The following CCDC171 variants were observed in gnomAD, a reference collection of about 807,000 sequenced individuals.
The protein encoded by CCDC171 is coiled-coil domain-containing protein 171.
A neutral mutation model predicts 168.2 loss-of-function variants in CCDC171; 177 were observed. The observed-to-expected ratio is 1.05, with a 90% confidence interval of 0.93 to 1.19. The LOEUF (loss-of-function observed/expected upper bound fraction) is 1.19. CCDC171 is among the 50% of genes most tolerant of loss of function. The pLI, the probability that CCDC171 is intolerant of heterozygous loss-of-function variation, is 0.00. For synonymous variants in CCDC171, 687 were observed against 540.8 expected, an observed-to-expected ratio of 1.27 and a Z score of -3.75; for missense variants, 1,991 against 1,539.0, an observed-to-expected ratio of 1.29 and a Z score of -4.91.
At chr9:16,022,537 A>G (rs1442076489) in exon 5 of CCDC171, 1 of 152,376 alleles carries the variant, frequency 6.6e-6, no homozygotes, top group African/African-American at 2.4e-5. Context: ...TCGCCCAGAG[A>G]GGGACTGCTG....
chr9:15,744,246 A>T (rs1460813975), intron 16 of CCDC171, 27 bp from the exon 17 acceptor site: 1 of 1,529,772 alleles, frequency 6.5e-7, no homozygotes, highest in Non-Finnish European at 8.8e-7. Flanking sequence ...TTTCATGATC[A>T]AATATATTTT....
intron 11 of CCDC171, among the ~76,000 whole-genome samples, chr9:15,710,618 G>C (rs2052592440): frequency 6.7e-6 from 1 of 148,558 alleles, no homozygotes; most frequent in African/African-American, 2.5e-5. Context: ...ATTTTTTTGA[G>C]ATGGAGTCTC....
At chr9:15,901,102 G>T (rs76554806) in intron 24 of CCDC171, among the ~76,000 whole-genome samples, 1,631 of 152,202 alleles carry the variant, frequency 0.011, 32 homozygotes, top group African/African-American at 0.037. Context: ...TTAAAGGTAT[G>T]ATTTTTAAAG....
intron 25 of CCDC171, among the ~76,000 whole-genome samples, chr9:15,923,004 G>A (rs1359934855): frequency 1.3e-5 from 2 of 151,592 alleles, no homozygotes; most frequent in Non-Finnish European, 3.0e-5. Context: ...CTCCCATCCT[G>A]TAGGTTGTCT....
intron 23 of CCDC171, among the ~76,000 whole-genome samples, chr9:15,862,651 A>C (rs1014909033): frequency 1.3e-5 from 2 of 151,338 alleles, no homozygotes; most frequent in Admixed American, 1.3e-4. Context: ...AGAACCTACC[A>C]TCTCTCTCAG....
intron 11 of CCDC171, among the ~76,000 whole-genome samples, chr9:15,696,934 T>C (rs941965728): frequency 6.6e-6 from 1 of 152,218 alleles, no homozygotes; most frequent in African/African-American, 2.4e-5. Context: ...TAGTGATTTT[T>C]GGATTGTTAC....
chr9:16,097,759 G>A, the CCDC171 span, among the ~76,000 whole-genome samples: 1 of 152,198 alleles, frequency 6.6e-6, no homozygotes, highest in African/African-American at 2.4e-5. Context: ...GAGGCTCATT[G>A]AGATAAATAA....
chr9:15,934,047 A>G (rs1344284897), intron 25 of CCDC171, among the ~76,000 whole-genome samples: 6 of 151,988 alleles, frequency 3.9e-5, no homozygotes, highest in African/African-American at 7.2e-5. Context: ...TATCCATACT[A>G]TGCAAAGAAC....
In CCDC171 at chr9:15,678,806, C is replaced by G. The variant is rs200523149; in HGVS notation, c.1125C>G (p.Ile375Met). The stretch of plus-strand genomic sequence containing the variant: ...AAAATAAGAAACTAAATGAAGACAT[C>G]GAGGAACAGAAGAAAGTAATTATAG... ...FSKNKKLNED[I>M]EEQKKVIIDL... The change falls in exon 10 of 26, where the codon ATC becomes ATG. Residue 375 changes from isoleucine (I) to methionine (M), a missense_variant. Coordinates refer to ENST00000380701, the MANE Select transcript of CCDC171 (RefSeq NM_173550.4). 1.2e-5 allele frequency: 19 copies of G among 1,592,738 alleles called. No homozygotes were observed. Among genetic ancestry groups the G allele is most frequent in the Non-Finnish European group, 1.5e-5 (18 of 1,170,828 alleles).
intron 25 of CCDC171, among the ~76,000 whole-genome samples, chr9:15,962,315 C>T (rs999836686): frequency 3.9e-5 from 6 of 152,074 alleles, no homozygotes; most frequent in African/African-American, 7.2e-5. Flanking sequence ...AATTTTTCAC[C>T]GCGTAGCTAT....
At chr9:15,638,322 C>G (rs1244292559) in intron 7 of CCDC171, among the ~76,000 whole-genome samples, 1 of 152,004 alleles carries the variant, frequency 6.6e-6, no homozygotes, top group Non-Finnish European at 1.5e-5. Context: ...GGCTGTTTGA[C>G]CACATAGTGA....
intron 6 of CCDC171, among the ~76,000 whole-genome samples, chr9:16,023,889 C>T (rs1361298422): frequency 7.0e-6 from 1 of 142,354 alleles, no homozygotes; most frequent in Non-Finnish European, 1.5e-5. Flanking sequence ...TGTTACCTTA[C>T]ATGGCAAAAG....
At chr9:15,560,414 C>T (rs1325904357) in intron 1 of CCDC171, among the ~76,000 whole-genome samples, 1 of 152,086 alleles carries the variant, frequency 6.6e-6, no homozygotes, top group Admixed American at 6.6e-5. Flanking sequence ...TTCTTGGAGG[C>T]TTTGTTCATT....
At chr9:15,792,796 C>A (rs1220207535) in intron 21 of CCDC171, among the ~76,000 whole-genome samples, 1 of 152,170 alleles carries the variant, frequency 6.6e-6, no homozygotes, top group Non-Finnish European at 1.5e-5. Flanking sequence ...CACCACTAGG[C>A]CTGCCCTGCA....
intron 11 of CCDC171, among the ~76,000 whole-genome samples, chr9:15,721,049 C>G (rs904307243): frequency 5.3e-5 from 8 of 152,138 alleles, no homozygotes; most frequent in African/African-American, 1.9e-4. Flanking sequence ...CCTTTATTAG[C>G]TCAACTAACA....
intron 6 of CCDC171, among the ~76,000 whole-genome samples, chr9:15,617,763 G>C (rs1196170673): frequency 2.6e-5 from 4 of 152,154 alleles, no homozygotes; most frequent in African/African-American, 7.2e-5. Context: ...CTGATGGTCT[G>C]CTGCAGTTTG....
intron 25 of CCDC171, among the ~76,000 whole-genome samples, chr9:15,956,880 T>C (rs1277951378): frequency 6.6e-6 from 1 of 152,122 alleles, no homozygotes; most frequent in Non-Finnish European, 1.5e-5. Context: ...CCAGGTAGTC[T>C]TTATACAATA....
intron 25 of CCDC171, among the ~76,000 whole-genome samples, chr9:15,950,682 A>G (rs557847720): frequency 1.3e-5 from 2 of 152,160 alleles, no homozygotes; most frequent in Non-Finnish European, 2.9e-5. Context: ...CCAAAATGTA[A>G]AGACCATCGA....
intron 23 of CCDC171, among the ~76,000 whole-genome samples, chr9:15,857,815 T>C (rs900447407): frequency 6.6e-6 from 1 of 152,016 alleles, no homozygotes; most frequent in Non-Finnish European, 1.5e-5. Context: ...CTTTGCACTC[T>C]TGTCAAGGAT....
Sources: allele counts gnomAD v4.1 joint callset (sites outside exome capture counted in the v4.1 genomes callset), GRCh38; gene constraint gnomAD v4.1.1; transcripts MANE v1.5; gene names NCBI Gene and HGNC (gene_info 2026-07-23, HGNC 2026-07-21).